The following SUPT16H variants were observed in gnomAD, a reference collection of about 807,000 sequenced individuals.
SUPT16H encodes the protein FACT complex subunit SPT16.
A neutral mutation model predicts 136.2 loss-of-function variants in SUPT16H; 24 were observed. That is an observed-to-expected ratio of 0.18 (90% confidence interval 0.13 to 0.25). SUPT16H has a LOEUF of 0.25. SUPT16H is among the 10% of genes least tolerant of loss of function. The pLI is 1.00. For missense variants in SUPT16H, 623 were observed against 1,270.2 expected (o/e 0.49, Z 7.74); for synonymous variants, 415 against 428.2 (o/e 0.97, Z 0.38).
At chr14:21,371,126 C>A (rs1886776458) in intron 3 of SUPT16H, among the ~76,000 whole-genome samples, 1 of 152,084 alleles carries the variant, frequency 6.6e-6, no homozygotes, top group Non-Finnish European at 1.5e-5. Flanking sequence ...CTCGCCTCGG[C>A]CTCTCAAAGT....
intron 22 of SUPT16H, 190 bp from the exon 23 acceptor site, chr14:21,354,730 T>C: frequency 1.9e-6 from 1 of 515,726 alleles, no homozygotes; most frequent in Non-Finnish European, 3.2e-6. Flanking sequence ...TATCTGGGAT[T>C]ACAGGCGCAT....
intron 25 of SUPT16H, 104 bp from the exon 26 acceptor site, chr14:21,352,922 C>T (rs1886351237): frequency 1.8e-5 from 27 of 1,476,412 alleles, no homozygotes; most frequent in Non-Finnish European, 2.2e-5. Context: ...GAATCAGACC[C>T]AAGTTTTAAT....
chr14:21,378,165 T>C (rs988756771), intron 1 of SUPT16H, among the ~76,000 whole-genome samples: 4 of 150,394 alleles, frequency 2.7e-5, no homozygotes, highest in African/African-American at 9.8e-5. Context: ...AACAGGATAA[T>C]GTGGGGGGTG....
At position 21,372,195 on chromosome 14, in the gene SUPT16H, TAAGC is replaced by T; in HGVS notation, c.160-155_160-152del. The T allele has an allele frequency of 3.7e-6, 3 of 816,874 alleles. No homozygotes were observed. In the South Asian group the frequency reaches 6.2e-5, roughly 17 times the overall value. 50.6% of individuals were successfully genotyped at this position (816,874 alleles called of 1,614,324 possible). On this transcript the variant is annotated intron_variant, in intron 2 of 25. Coordinates refer to ENST00000216297, the MANE Select transcript of SUPT16H (RefSeq NM_007192.4). ...TGGGGAGTCTGGAGTGGATACAAATTAAGCAAGATCGGCCAAGAGTCGACAATTT... is the reference window on the plus strand; with the variant it reads ...TGGGGAGTCTGGAGTGGATACAAATTAAGATCGGCCAAGAGTCGACAATTT...
intron 1 of SUPT16H, among the ~76,000 whole-genome samples, chr14:21,382,554 G>A (rs888916311): frequency 2.6e-5 from 4 of 152,124 alleles, no homozygotes; most frequent in African/African-American, 9.7e-5. Context: ...CATACCAAAG[G>A]TTCACAGTTT....
At chr14:21,372,739 TTTTG>T in intron 2 of SUPT16H, 1 of 428,148 alleles carries the variant, frequency 2.3e-6, no homozygotes, top group Non-Finnish European at 4.6e-6. Context: ...GAAAAGAATA[TTTTG>T]TTTAACTCAC....
intron 1 of SUPT16H, among the ~76,000 whole-genome samples, chr14:21,376,648 C>T (rs1344366711): frequency 6.6e-6 from 1 of 152,042 alleles, no homozygotes; most frequent in Non-Finnish European, 1.5e-5. Context: ...CTGCTAGTCC[C>T]TTTGTATGAG....
Position 21,368,420 on chromosome 14 carries a change from A to G in SUPT16H, c.804T>C (p.Phe268=). The stretch of plus-strand genomic sequence containing the variant: ...TACCCATGGCACAAGTGATAGCCCC[A>G]AAGTGCATATGATTCTTGTCACTAG... ...SVVSDKNHMH[F]GAITCAMGIR... The change falls in exon 7 of 26, where the codon TTT becomes TTC. Residue 268 remains phenylalanine (F), a synonymous_variant. Coordinates refer to ENST00000216297, the MANE Select transcript of SUPT16H (RefSeq NM_007192.4). 3.7e-6 allele frequency: 6 copies of G among 1,612,296 alleles called. No homozygotes were observed. In the South Asian group the frequency reaches 4.4e-5, roughly 12 times the overall value.
chr14:21,383,642 G>C, intron 1 of SUPT16H: 2 of 710,708 alleles, frequency 2.8e-6, no homozygotes, highest in South Asian at 3.0e-5. Context: ...TGGCACGCGG[G>C]GAAGATGGTG....
At chr14:21,362,366 CTA>C in intron 14 of SUPT16H, 42 bp from the exon 15 acceptor site, 1 of 1,588,146 alleles carries the variant, frequency 6.3e-7, no homozygotes, top group Non-Finnish European at 8.6e-7. Flanking sequence ...GATTTCTTTC[CTA>C]GAGATTAGTA....
intron 14 of SUPT16H, 106 bp from the exon 15 acceptor site, chr14:21,362,430 C>A: frequency 9.3e-7 from 1 of 1,077,736 alleles, no homozygotes. Context: ...CCGCTCTTAA[C>A]CTTAATCTAA....
At chr14:21,358,213 GA>G in intron 20 of SUPT16H, 101 bp downstream of exon 20, 3 of 867,518 alleles carry the variant, frequency 3.5e-6, no homozygotes, top group Admixed American at 2.8e-5. Flanking sequence ...TTAGTCATAG[GA>G]AAAAAGGATA....
chr14:21,362,998 C>G, intron 13 of SUPT16H, 36 bp downstream of exon 13: 1 of 1,613,846 alleles, frequency 6.2e-7, no homozygotes, highest in Non-Finnish European at 8.5e-7. Flanking sequence ...CCCACAGAAC[C>G]CTCAGATGAT....
rs773969598 is a variant in SUPT16H, at chr14:21,357,960, G to A, written c.2457C>T (p.Pro819=). The stretch of plus-strand genomic sequence containing the variant: ...TAGCATTTACCAGCGCACTACTAGT[G>A]GGCTGAAGGAGGCAGGTACTCCTAT... ...APYRSTCLLQ[P]TSSALVNATE... is the part of the protein sequence containing the mutation. The change falls in exon 21 of 26, where the codon CCC becomes CCT. Residue 819 remains proline (P), a synonymous_variant. Coordinates refer to ENST00000216297, the MANE Select transcript of SUPT16H (RefSeq NM_007192.4). The A allele has an allele frequency of 6.2e-7, 1 of 1,613,858 alleles. No homozygotes were observed. Among genetic ancestry groups the A allele is most frequent in the South Asian group, 1.1e-5 (1 of 91,066 alleles).
Position 21,364,905 on chromosome 14 carries a change from G to T in SUPT16H, c.1155C>A (p.Asp385Glu), listed in dbSNP as rs781366991. ...GCTTTTTCCCCTCCTTGTTAGTCAG[G>T]TCTGAGAATCCTAAATTGATGCTGA... is the stretch of plus-strand genomic sequence containing the variant. ...MVFSINLGFS[D>E]LTNKEGKKPE... Residue 385 changes from aspartate to glutamate, a missense_variant, in exon 10 of 26, where the codon GAC (aspartate) becomes GAA (glutamate). Around this residue, in one of 7 missense-constraint regions of SUPT16H, gnomAD observed 343 missense variants for 525.7 expected, o/e 0.65. Transcript: ENST00000216297. 1 of 1,613,850 alleles carries T rather than the reference G, an allele frequency of 6.2e-7. No individual in the cohort carries two copies. The highest frequency in any genetic ancestry group is 1.1e-5 in the South Asian group (1 of 91,058).
chr14:21,360,168 C>T (rs1310763296), intron 18 of SUPT16H, among the ~76,000 whole-genome samples: 1 of 152,112 alleles, frequency 6.6e-6, no homozygotes, highest in Non-Finnish European at 1.5e-5. Context: ...GCTGGGATTA[C>T]AGGCGCTGGC....
rs28364670 is a variant in SUPT16H, at chr14:21,383,996, G to T, written c.-69C>A. On this transcript the variant is annotated 5_prime_UTR_variant, in exon 1 of 26. Coordinates refer to ENST00000216297, the MANE Select transcript of SUPT16H (RefSeq NM_007192.4). ...GGTCCCGGCTCAGCCACCCGCTCTCGGCCCAGGAATCCCGCACTCTCCCAA... is the reference window on the plus strand; with the variant it reads ...GGTCCCGGCTCAGCCACCCGCTCTCTGCCCAGGAATCCCGCACTCTCCCAA... 15 of 1,583,342 alleles carry T rather than the reference G, an allele frequency of 9.5e-6. No homozygotes were observed. The East Asian group carries it at 3.1e-4, about 33-fold the overall frequency.
chr14:21,360,479 ATAT>A lies in SUPT16H; in HGVS notation c.2108_2110del (p.Asn703del). 6.2e-7 allele frequency: 1 copy of A among 1,614,150 alleles called. No homozygotes were observed. Among genetic ancestry groups the A allele is most frequent in the Non-Finnish European group, 8.5e-7 (1 of 1,180,012 alleles). ...ACAGGGCTGGAACAAAGCATGCTTA[ATAT>A]TATTGTACAAAATATCCACTTTGTC... On this transcript the variant is annotated inframe_deletion, in exon 18 of 26. Coordinates refer to ENST00000216297, the MANE Select transcript of SUPT16H (RefSeq NM_007192.4).
chr14:21,370,472 C>T lies in SUPT16H; in HGVS notation c.347G>A (p.Ser116Asn). 6.2e-7 allele frequency: 1 copy of T among 1,614,060 alleles called. No homozygotes were observed. The highest frequency in any genetic ancestry group is 8.5e-7 in the Non-Finnish European group (1 of 1,179,994). The change falls in exon 4 of 26, where the codon AGT (serine) becomes AAT (asparagine). Residue 116 changes from serine (S) to asparagine (N), a missense_variant. Coordinates refer to ENST00000216297, the MANE Select transcript of SUPT16H (RefSeq NM_007192.4). Reference sequence around the variant, plus strand: ...GGCTTCAATCATTTTGTCAAAGCTACTCTTATTACTTTCATTCTGTCAGTG... The same window carrying T: ...GGCTTCAATCATTTTGTCAAAGCTATTCTTATTACTTTCATTCTGTCAGTG... ...LIREKNESNK[S>N]SFDKMIEAIK...
Sources: gnomAD v4.1 joint callset for allele counts (sites outside exome capture counted in the v4.1 genomes callset) on GRCh38, gnomAD v4.1.1 for gene constraint, gnomAD v4.1.1 regional missense constraint, MANE v1.5 for transcripts, NCBI Gene and HGNC (gene_info 2026-07-23, HGNC 2026-07-21) for gene names.